The following MOK variants were observed in gnomAD, a reference collection of about 807,000 sequenced individuals.
The protein encoded by MOK is MAPK/MAK/MRK overlapping kinase.
MOK carries 59 observed loss-of-function variants against 54.2 expected under a neutral mutation model. The ratio of observed to expected loss-of-function variants is 1.09; its 90% CI spans 0.88 to 1.35. The LOEUF (loss-of-function observed/expected upper bound fraction) is 1.35. Among genes scored for constraint, MOK ranks in the 40% most tolerant of loss-of-function variants. MOK has a pLI of 0.00. For missense variants in MOK, 517 were observed against 526.2 expected (o/e 0.98, Z 0.17); for synonymous variants, 210 against 202.7 (o/e 1.04, Z -0.31).
chr14:102,304,823 C>G, intron 1 of MOK, 139 bp downstream of exon 1: 1 of 905,246 alleles, frequency 1.1e-6, no homozygotes, highest in Non-Finnish European at 1.7e-6. Flanking sequence ...ACATGCGGAG[C>G]CTCCCGGGCC....
chr14:102,298,784 CTCTTTGGGT>C (rs1269725102), intron 1 of MOK, among the ~76,000 whole-genome samples: 2 of 152,202 alleles, frequency 1.3e-5, no homozygotes, highest in Admixed American at 1.3e-4. Flanking sequence ...CTGCTACTCA[CTCTTTGGGT>C]CCAGGCTGCT....
intron 1 of MOK, among the ~76,000 whole-genome samples, chr14:102,285,082 C>CAAAAAAA (rs34015643): frequency 1.1e-4 from 7 of 65,988 alleles, no homozygotes; most frequent in African/African-American, 4.6e-5. Context: ...GATGTCATCT[C>CAAAAAAA]AAAAAAAAAA....
intron 2 of MOK, among the ~76,000 whole-genome samples, chr14:102,266,729 C>T (rs1042552390): frequency 6.6e-6 from 1 of 152,112 alleles, no homozygotes; most frequent in African/African-American, 2.4e-5. Context: ...ATTATAGGCA[C>T]CCGCCACCAT....
intron 4 of MOK, 24 bp from the exon 5 acceptor site, chr14:102,252,019 A>T (rs1271437731): frequency 1.5e-6 from 2 of 1,321,256 alleles, no homozygotes; most frequent in South Asian, 1.2e-5. Flanking sequence ...GAAATAGGCA[A>T]ATACGGTTAC....
At position 102,235,489 on chromosome 14, in the gene MOK, G is replaced by C. The variant is rs1044567673; in HGVS notation, c.591-1700C>G. The C allele has an allele frequency of 3.9e-5, 6 of 152,232 alleles. No individual in the cohort carries two copies. Among genetic ancestry groups the C allele is most frequent in the African/African-American group, 1.4e-4 (6 of 41,456 alleles). The allele number at this position is 152,232 out of a possible 1,614,324, so 9.4% of individuals were successfully genotyped here. On this transcript the variant is annotated intron_variant, in intron 7 of 11. Transcript: ENST00000361847. The surrounding 1 kb of genome is among the most constrained non-coding windows in gnomAD (Gnocchi z 4.4). Reference sequence around the variant, plus strand: ...GCAAGATCCTACTAGGCCAGTAGGGGCCGCTGCAGTTCCCTGAGAAGAGCG... The same window carrying C: ...GCAAGATCCTACTAGGCCAGTAGGGCCCGCTGCAGTTCCCTGAGAAGAGCG...
At position 102,251,045 on chromosome 14, in the gene MOK, T is replaced by C. The variant is rs2066491243; in HGVS notation, c.412-55A>G. The C allele has an allele frequency of 3.2e-6, 5 of 1,558,976 alleles. No individual in the cohort carries two copies. The South Asian group carries it at 5.7e-5, about 18-fold the overall frequency. The stretch of plus-strand genomic sequence containing the variant: ...ACATCCCATTATGTGGCTATCATAA[T>C]ACAAACCACTCCAAATATTTATGCA... On this transcript the variant is annotated intron_variant, in intron 6 of 11. Coordinates refer to ENST00000361847, the MANE Select transcript of MOK (RefSeq NM_014226.3).
chr14:102,271,088 G>A (rs1251494499), intron 2 of MOK, among the ~76,000 whole-genome samples: 2 of 152,162 alleles, frequency 1.3e-5, no homozygotes, highest in Non-Finnish European at 2.9e-5. Flanking sequence ...AGGAGGCTGA[G>A]GCAGGAGAAT....
At chr14:102,248,494 G>A (rs1475102409) in intron 7 of MOK, among the ~76,000 whole-genome samples, 1 of 152,014 alleles carries the variant, frequency 6.6e-6, no homozygotes, top group Non-Finnish European at 1.5e-5. Flanking sequence ...AACAACCCTG[G>A]GATGGCCGGG....
chr14:102,239,762 G>A (rs1157943758), intron 7 of MOK, among the ~76,000 whole-genome samples: 2 of 152,134 alleles, frequency 1.3e-5, no homozygotes, highest in African/African-American at 2.4e-5. Context: ...CCAGCTACTC[G>A]GGAGGCTGAG....
At chr14:102,224,489 A>T (rs1047814433), downstream of MOK, 1 of 424,068 alleles carries the variant, frequency 2.4e-6, no homozygotes, top group Non-Finnish European at 4.7e-6. Flanking sequence ...AAAAAATCAT[A>T]TACAACTGGA....
intron 6 of MOK, chr14:102,251,427 T>C (rs1234348088): frequency 4.6e-6 from 2 of 431,040 alleles, no homozygotes; most frequent in African/African-American, 4.0e-5. Context: ...GTTTAGTGGC[T>C]TGGGAGTGAG....
rs144434809 is a variant in MOK, at chr14:102,291,285, C to A, written c.8-7693G>T. Among the ~76,000 whole-genome samples, 865 of 152,316 alleles carry A rather than the reference C, an allele frequency of 5.7e-3. 18 individuals carry two copies. Among genetic ancestry groups the A allele is most frequent in the East Asian group, 0.035 (180 of 5,186 alleles). ...ATCCTAAAACCAGGCAATAAAGATT[C>A]TTTGGTGCATCTCCAAGAAGCTTCT... On this transcript the variant is annotated intron_variant, in intron 1 of 11. Coordinates refer to ENST00000361847, the MANE Select transcript of MOK (RefSeq NM_014226.3).
intron 2 of MOK, among the ~76,000 whole-genome samples, chr14:102,269,409 C>T (rs1013115980): frequency 1.3e-5 from 2 of 151,734 alleles, no homozygotes; most frequent in Admixed American, 6.6e-5. Flanking sequence ...TGGTCTCGAC[C>T]CCCAACCTGA....
chr14:102,284,641 T>C (rs1244048518), intron 1 of MOK, among the ~76,000 whole-genome samples: 4 of 152,190 alleles, frequency 2.6e-5, no homozygotes, highest in African/African-American at 9.6e-5. Flanking sequence ...TCTGTGAGCC[T>C]TCTCCATTGA....
intron 4 of MOK, among the ~76,000 whole-genome samples, chr14:102,255,138 T>C (rs1198021679): frequency 1.3e-5 from 2 of 152,036 alleles, no homozygotes; most frequent in Non-Finnish European, 2.9e-5. Context: ...GCTAACACGG[T>C]GAAGCCCCGT....
intron 1 of MOK, among the ~76,000 whole-genome samples, chr14:102,293,562 G>A (rs1023549932): frequency 6.6e-6 from 1 of 151,824 alleles, no homozygotes; most frequent in Non-Finnish European, 1.5e-5. Flanking sequence ...GCCAGGTGTG[G>A]TGGTGCATGC....
At chr14:102,246,193 T>A (rs2066077500) in intron 7 of MOK, 1 of 152,058 alleles carries the variant, frequency 6.6e-6, no homozygotes, top group Admixed American at 6.5e-5. Flanking sequence ...CATTCCCACA[T>A]CCTCCCTAGA....
At chr14:102,259,021 G>A (rs1203887484) in intron 4 of MOK, among the ~76,000 whole-genome samples, 5 of 150,926 alleles carry the variant, frequency 3.3e-5, no homozygotes, top group African/African-American at 4.9e-5. Context: ...AGCTGAGATC[G>A]TGCCATTGCA....
intron 7 of MOK, chr14:102,246,227 C>G (rs915478399): frequency 2.0e-5 from 3 of 152,046 alleles, no homozygotes; most frequent in Admixed American, 6.6e-5. Context: ...TCTATCCTGC[C>G]GCTTCACTCT....
Sources: gnomAD v4.1 joint callset for allele counts (sites outside exome capture counted in the v4.1 genomes callset) on GRCh38, gnomAD v4.1.1 for gene constraint, Gnocchi (gnomAD v3.1) non-coding constraint, MANE v1.5 for transcripts, NCBI Gene and HGNC (gene_info 2026-07-23, HGNC 2026-07-21) for gene names.